Variants in MAP1B observed in about 807,000 individuals in gnomAD.
MAP1B encodes the protein microtubule-associated protein 1B.
In MAP1B, 12 loss-of-function variants were observed where a neutral mutation model predicts 176.1. The observed-to-expected ratio is 0.07, with a 90% confidence interval of 0.04 to 0.11. The LOEUF is 0.11. Among genes scored for constraint, MAP1B ranks in the 10% least tolerant of loss-of-function variants. MAP1B has a pLI of 1.00. For missense variants in MAP1B, 2,523 were observed against 2,990.5 expected (o/e 0.84, Z 3.65); for synonymous variants, 1,044 against 1,135.0 (o/e 0.92, Z 1.61).
rs753048843 is a variant in MAP1B, at chr5:72,197,478, G to C, written c.4123G>C (p.Ala1375Pro). The change falls in exon 5 of 7, where the codon GCT becomes CCT. Residue 1375 changes from alanine (A) to proline (P), a missense_variant. Physicochemically the swap from Ala to Pro is conservative, Grantham distance 27 (BLOSUM62 -1). Coordinates refer to ENST00000296755, the MANE Select transcript of MAP1B (RefSeq NM_005909.5). ...TGATGCCAAAGATGAGAATGAAAGG[G>C]CTTCAGTAAGCCCCATGGATGAGCC... ...FSDAKDENERASVSPMDEPVP... is the reference protein window; with the variant it reads ...FSDAKDENERPSVSPMDEPVP... 39 of 1,614,152 alleles carry C rather than the reference G, an allele frequency of 2.4e-5. No homozygotes were observed. In the East Asian group the frequency reaches 8.5e-4, roughly 35 times the overall value.
At chr5:72,116,116 GAA>G (rs1491436478) in intron 2 of MAP1B, 44 of 327,116 alleles carry the variant, frequency 1.3e-4, no homozygotes, top group African/African-American at 7.3e-4. Context: ...GAGAGAGAGA[GAA>G]AGAGAGAGAG....
intron 1 of MAP1B, among the ~76,000 whole-genome samples, chr5:72,114,504 T>G (rs1048479587): frequency 3.3e-5 from 5 of 152,196 alleles, no homozygotes; most frequent in African/African-American, 1.2e-4. Context: ...GTTCTAGAGA[T>G]TTGTTCCTGG....
At chr5:72,163,227 C>CAAA (rs10608907) in intron 2 of MAP1B, among the ~76,000 whole-genome samples, 262 of 77,328 alleles carry the variant, frequency 3.4e-3, no homozygotes, top group Non-Finnish European at 4.0e-3. Context: ...GACTCCATCT[C>CAAA]AAAAAAAAAA....
Position 72,196,034 on chromosome 5 carries a change from T to G in MAP1B, c.2679T>G (p.Asp893Glu), listed in dbSNP as rs760994730. ...EVTKGPAESP[D>E]EGITTTEGEG... ...CCAAAGGTCCTGCCGAGTCCCCTGA[T>G]GAGGGAATCACTACCACTGAAGGGG... Residue 893 changes from aspartate to glutamate, a missense_variant, in exon 5 of 7, where the codon GAT becomes GAG. Asp to Glu is a conservative substitution (Grantham distance 45). Around this residue, in one of 4 missense-constraint regions of MAP1B, gnomAD observed 1,925 missense variants for 2,126.0 expected, o/e 0.91. Coordinates refer to ENST00000296755, the MANE Select transcript of MAP1B (RefSeq NM_005909.5). This position sits in a 1 kb window ranked among gnomAD's most constrained non-coding sequence, Gnocchi z 5.3. 6.2e-7 allele frequency: 1 copy of G among 1,614,014 alleles called. No homozygotes were observed. Among genetic ancestry groups the G allele is most frequent in the Non-Finnish European group, 8.5e-7 (1 of 1,180,024 alleles).
intron 2 of MAP1B, among the ~76,000 whole-genome samples, chr5:72,144,023 T>C (rs1259090973): frequency 1.3e-5 from 2 of 152,172 alleles, no homozygotes; most frequent in Non-Finnish European, 2.9e-5. Context: ...TCTCTTCTTA[T>C]TCAGTCATTG....
chr5:72,147,789 G>A (rs917883945), intron 2 of MAP1B, among the ~76,000 whole-genome samples: 7 of 152,216 alleles, frequency 4.6e-5, no homozygotes, highest in African/African-American at 1.7e-4. Context: ...AGTGGGCTTG[G>A]TGGTTTGTTG....
At chr5:72,163,873 A>G (rs189221899) in intron 2 of MAP1B, among the ~76,000 whole-genome samples, 2 of 144,218 alleles carry the variant, frequency 1.4e-5, no homozygotes, top group Non-Finnish European at 1.5e-5. Context: ...GTTACAGGCT[A>G]TATGACTTTT....
intron 2 of MAP1B, among the ~76,000 whole-genome samples, chr5:72,139,965 A>G (rs1362978903): frequency 6.6e-6 from 1 of 151,176 alleles, no homozygotes; most frequent in Non-Finnish European, 1.5e-5. Flanking sequence ...TGTATTACAA[A>G]CTTTTTTTTT....
intron 1 of MAP1B, among the ~76,000 whole-genome samples, chr5:72,109,804 T>G (rs941591323): frequency 6.6e-6 from 1 of 152,236 alleles, no homozygotes; most frequent in Non-Finnish European, 1.5e-5. Flanking sequence ...AGGGCTTGCC[T>G]TTGTATGGCC....
At chr5:72,176,311 A>T (rs755070544) in intron 2 of MAP1B, among the ~76,000 whole-genome samples, 4 of 152,202 alleles carry the variant, frequency 2.6e-5, no homozygotes, top group Non-Finnish European at 5.9e-5. Context: ...TCTTGGCATC[A>T]CAGCTTGAAA....
intron 2 of MAP1B, among the ~76,000 whole-genome samples, chr5:72,162,276 C>G (rs1746342237): frequency 6.6e-6 from 1 of 152,106 alleles, no homozygotes; most frequent in Admixed American, 6.6e-5. Flanking sequence ...ATATTTTTAT[C>G]CTGTAAAAGT....
At chr5:72,160,666 A>T (rs941447855) in intron 2 of MAP1B, among the ~76,000 whole-genome samples, 1 of 152,128 alleles carries the variant, frequency 6.6e-6, no homozygotes, top group Non-Finnish European at 1.5e-5. Context: ...ATATATAGGC[A>T]ACATCAAAGA....
rs1342402404 is a variant in MAP1B, at chr5:72,204,355, T to C, written c.7251+554T>C. On this transcript the variant is annotated intron_variant, in intron 6 of 6. Transcript: ENST00000296755. This position sits in a 1 kb window ranked among gnomAD's most constrained non-coding sequence, Gnocchi z 4.4. ...TTTATTTAATGACAGGGTCTCCCTATGTTGCCCAGGCTGGTCTCGAACTCC... is the reference window on the plus strand; with the variant it reads ...TTTATTTAATGACAGGGTCTCCCTACGTTGCCCAGGCTGGTCTCGAACTCC... Among the ~76,000 whole-genome samples, 1 of 152,220 alleles carries C rather than the reference T, an allele frequency of 6.6e-6. No individual in the cohort carries two copies. The highest frequency in any genetic ancestry group is 1.5e-5 in the Non-Finnish European group (1 of 68,036).
chr5:72,159,582 A>T (rs1746292367), intron 2 of MAP1B, among the ~76,000 whole-genome samples: 1 of 152,244 alleles, frequency 6.6e-6, no homozygotes, highest in South Asian at 2.1e-4. Flanking sequence ...TATTGTTGAT[A>T]AACACCATTA....
chr5:72,161,441 T>C (rs564344100), intron 2 of MAP1B, among the ~76,000 whole-genome samples: 54 of 152,196 alleles, frequency 3.5e-4, no homozygotes, highest in South Asian at 3.5e-3. Context: ...GACAAACAAA[T>C]GAAAAATACT....
At chr5:72,113,304 T>A (rs1289185302) in intron 1 of MAP1B, among the ~76,000 whole-genome samples, 1 of 152,182 alleles carries the variant, frequency 6.6e-6, no homozygotes, top group East Asian at 1.9e-4. Flanking sequence ...AGAAACAATT[T>A]GGGTGGAAAT....
chr5:72,145,177 G>A, intron 2 of MAP1B, among the ~76,000 whole-genome samples: 1 of 152,182 alleles, frequency 6.6e-6, no homozygotes, highest in Admixed American at 6.5e-5. Context: ...TTTAAAGACA[G>A]TGATAGAAAC....
intron 1 of MAP1B, among the ~76,000 whole-genome samples, chr5:72,108,594 G>A (rs1435238644): frequency 1.3e-5 from 2 of 152,182 alleles, no homozygotes; most frequent in Non-Finnish European, 2.9e-5. Flanking sequence ...GGCCGTGAGG[G>A]TCCGGCGGGC....
At chr5:72,143,840 T>C (rs1249219880) in intron 2 of MAP1B, among the ~76,000 whole-genome samples, 5 of 152,102 alleles carry the variant, frequency 3.3e-5, no homozygotes, top group African/African-American at 9.7e-5. Context: ...GTGTGCACCA[T>C]CATGCCCAGC....
Sources: gnomAD v4.1 joint callset for allele counts (sites outside exome capture counted in the v4.1 genomes callset) on GRCh38, gnomAD v4.1.1 for gene constraint, gnomAD v4.1.1 regional missense constraint, Gnocchi (gnomAD v3.1) non-coding constraint, MANE v1.5 for transcripts, NCBI Gene and HGNC (gene_info 2026-07-23, HGNC 2026-07-21) for gene names.